SND1: variants seen among roughly 807,000 people sequenced by gnomAD.
The protein encoded by SND1 is staphylococcal nuclease and tudor domain containing 1, also known as staphylococcal nuclease domain-containing protein 1.
SND1 carries 38 observed loss-of-function variants against 121.7 expected under a neutral mutation model. That is an observed-to-expected ratio of 0.31 (90% CI 0.24 to 0.41). SND1 has a LOEUF of 0.41. SND1 is among the 10% of genes least tolerant of loss of function. The pLI is 1.00. For missense variants in SND1, 868 were observed against 1,184.6 expected (o/e 0.73, Z 3.92); for synonymous variants, 401 against 447.4 (o/e 0.90, Z 1.31).
chr7:127,823,539 C>A (rs1314235264), intron 11 of SND1, among the ~76,000 whole-genome samples: 1 of 152,116 alleles, frequency 6.6e-6, no homozygotes, highest in Admixed American at 6.5e-5. Flanking sequence ...ACCCTACCAG[C>A]AGGTTTTTTA....
chr7:127,786,553 C>T (rs558752376), intron 10 of SND1, among the ~76,000 whole-genome samples: 6 of 152,170 alleles, frequency 3.9e-5, no homozygotes, highest in Non-Finnish European at 7.4e-5. Context: ...TCCACTTTTT[C>T]CTTGACTGGC....
At chr7:127,984,280 C>G (rs1802334227) in intron 15 of SND1, among the ~76,000 whole-genome samples, 1 of 152,188 alleles carries the variant, frequency 6.6e-6, no homozygotes, top group African/African-American at 2.4e-5. Flanking sequence ...CAGTGTTGAC[C>G]ACTTCAACTC....
chr7:127,960,391 A>C (rs890054592), intron 15 of SND1, among the ~76,000 whole-genome samples: 3 of 152,192 alleles, frequency 2.0e-5, no homozygotes, highest in African/African-American at 7.2e-5. Context: ...AATGACACCC[A>C]GCCCACACAA....
At chr7:127,819,571 G>T (rs1192331116) in intron 11 of SND1, among the ~76,000 whole-genome samples, 1 of 152,130 alleles carries the variant, frequency 6.6e-6, no homozygotes, top group Admixed American at 6.5e-5. Flanking sequence ...CTTGTAGGAT[G>T]GGCTGGAGGT....
chr7:128,057,647 G>T (rs1793164335), intron 16 of SND1, among the ~76,000 whole-genome samples: 1 of 152,154 alleles, frequency 6.6e-6, no homozygotes, highest in Non-Finnish European at 1.5e-5. Context: ...TGCTTTCCTA[G>T]AAGTCCCACC....
chr7:127,822,421 A>G (rs1017376015), intron 11 of SND1, among the ~76,000 whole-genome samples: 1 of 152,200 alleles, frequency 6.6e-6, no homozygotes, highest in Admixed American at 6.5e-5. Flanking sequence ...AGTTTTCTCT[A>G]TGGCCATAAT....
chr7:127,915,078 C>T (rs569679949), intron 14 of SND1, among the ~76,000 whole-genome samples: 53 of 152,158 alleles, frequency 3.5e-4, no homozygotes, highest in Middle Eastern at 3.4e-3. Context: ...AGTGCAGTGG[C>T]GCAATCTCAG....
intron 11 of SND1, among the ~76,000 whole-genome samples, chr7:127,832,910 A>G (rs762319605): frequency 4.6e-5 from 7 of 152,204 alleles, no homozygotes; most frequent in Non-Finnish European, 8.8e-5. Context: ...CGAGGGATCT[A>G]GGTCTCATGC....
rs751888728 is a variant in SND1, at chr7:128,029,499, G to A, written c.1779+38443G>A. ...CCCATTGGGCAGCAACCACTTCACG[G>A]AGGACATAGGGGGAGTCCGACACTT... is the stretch of plus-strand genomic sequence containing the variant. On this transcript the variant is annotated intron_variant, in intron 16 of 23. Transcript: ENST00000354725. The surrounding 1 kb of genome is among the most constrained non-coding windows in gnomAD (Gnocchi z 4.2). 11 of 1,614,022 alleles carry A rather than the reference G, an allele frequency of 6.8e-6. No individual in the cohort carries two copies. The highest frequency in any genetic ancestry group is 6.7e-5 in the East Asian group (3 of 44,894).
rs771145598 is a variant in SND1, at chr7:127,813,198, C to A, written c.1242+5625C>A. Among the ~76,000 whole-genome samples the A allele has an allele frequency of 2.6e-5, 4 of 152,202 alleles. No individual in the cohort carries two copies. In the East Asian group the frequency reaches 5.8e-4, roughly 22 times the overall value. On this transcript the variant is annotated intron_variant, in intron 11 of 23. Transcript: ENST00000354725. ...CATGCATTTTTCTAGGAAGAGTTCTCCCACTTGGAAGTGGTAGTAATGTGT... is the reference window on the plus strand; with the variant it reads ...CATGCATTTTTCTAGGAAGAGTTCTACCACTTGGAAGTGGTAGTAATGTGT...
intron 16 of SND1, chr7:127,997,988 G>A (rs752780996): frequency 5.6e-6 from 3 of 531,158 alleles, no homozygotes; most frequent in Non-Finnish European, 1.2e-5. Flanking sequence ...CTTACCAATA[G>A]TATACAAGGG....
intron 15 of SND1, among the ~76,000 whole-genome samples, chr7:127,982,433 T>C (rs1234837647): frequency 6.6e-6 from 1 of 152,238 alleles, no homozygotes; most frequent in Non-Finnish European, 1.5e-5. Flanking sequence ...TTGATCCCTT[T>C]AATTAGGATC....
At chr7:128,030,806 C>A in intron 16 of SND1, 4 of 853,994 alleles carry the variant, frequency 4.7e-6, no homozygotes, top group African/African-American at 1.7e-5. Context: ...AAAATCCTGC[C>A]AAACTCGAGC....
chr7:127,839,759 A>C (rs868246850), intron 11 of SND1, among the ~76,000 whole-genome samples: 1 of 152,302 alleles, frequency 6.6e-6, no homozygotes, highest in East Asian at 1.9e-4. Context: ...CTTACCTTTG[A>C]GAACCTCTTT....
chr7:127,652,999 C>T (rs1184123934), intron 1 of SND1, among the ~76,000 whole-genome samples: 1 of 152,142 alleles, frequency 6.6e-6, no homozygotes, highest in African/African-American at 2.4e-5. Flanking sequence ...CTTTTGACTT[C>T]TAAAAGGTTA....
chr7:128,078,258 C>G (rs1228279605), intron 17 of SND1, among the ~76,000 whole-genome samples: 1 of 152,230 alleles, frequency 6.6e-6, no homozygotes, highest in Non-Finnish European at 1.5e-5. Flanking sequence ...CTGCAAGTCC[C>G]AAGGAACAGC....
chr7:127,682,370 G>A (rs760087685), intron 1 of SND1, among the ~76,000 whole-genome samples: 2 of 152,220 alleles, frequency 1.3e-5, no homozygotes, highest in East Asian at 1.9e-4. Context: ...ATCACACCAC[G>A]TCCCTCTGCA....
intron 10 of SND1, among the ~76,000 whole-genome samples, chr7:127,727,951 C>G (rs935061944): frequency 6.6e-6 from 1 of 151,988 alleles, no homozygotes; most frequent in Non-Finnish European, 1.5e-5. Flanking sequence ...TTAAAACATC[C>G]CTGTGACCTG....
chr7:127,846,869 G>C (rs1706160976), intron 12 of SND1, among the ~76,000 whole-genome samples: 1 of 152,118 alleles, frequency 6.6e-6, no homozygotes, highest in Admixed American at 6.5e-5. Flanking sequence ...AATAGACCTA[G>C]CTGCACACTT....
Sources: gnomAD v4.1 joint callset for allele counts (sites outside exome capture counted in the v4.1 genomes callset) on GRCh38, gnomAD v4.1.1 for gene constraint, Gnocchi (gnomAD v3.1) non-coding constraint, MANE v1.5 for transcripts, NCBI Gene and HGNC (gene_info 2026-07-23, HGNC 2026-07-21) for gene names.